The following NMNAT1 variants were observed in gnomAD, a reference collection of about 807,000 sequenced individuals.
NMNAT1 encodes nicotinamide/nicotinic acid mononucleotide adenylyltransferase 1.
A neutral mutation model predicts 16.7 loss-of-function variants in NMNAT1; 11 were observed. The observed-to-expected ratio is 0.66, with a 90% CI of 0.41 to 1.09. NMNAT1 has a LOEUF of 1.09. Ranked by LOEUF, NMNAT1 falls within the 50% of genes least tolerant of loss-of-function variation. NMNAT1 has a pLI of 0.00. For missense variants in NMNAT1, 280 were observed against 332.3 expected, an observed-to-expected ratio of 0.84 and a Z score of 1.22; for synonymous variants, 110 against 119.8, an observed-to-expected ratio of 0.92 and a Z score of 0.53.
chr1:9,958,591 C>T lies in NMNAT1; in HGVS notation c.-56-13427C>T, dbSNP rs1319179197. Among the ~76,000 whole-genome samples the T allele has an allele frequency of 7.4e-4, 112 of 152,072 alleles. 1 individual carries two copies. The highest frequency in any genetic ancestry group is 1.0e-4 in the Non-Finnish European group (7 of 67,970). ...AGTATCTGGGACTACAGAAGCACAC[C>T]ACCATGCCCGACTAATTTTTGTATT... is the stretch of plus-strand genomic sequence containing the variant. On this transcript the variant is annotated intron_variant, in intron 1 of 4. Transcript: ENST00000377205.
chr1:9,962,689 T>G (rs1037556054), intron 1 of NMNAT1, among the ~76,000 whole-genome samples: 3 of 133,276 alleles, frequency 2.3e-5, no homozygotes, highest in Admixed American at 7.6e-5. Context: ...TTTTTTTTTT[T>G]TTTTTTTTTT....
At chr1:9,962,686 T>TG (rs1402148944) in intron 1 of NMNAT1, among the ~76,000 whole-genome samples, 3 of 130,718 alleles carry the variant, frequency 2.3e-5, no homozygotes, top group Non-Finnish European at 4.9e-5. Context: ...GGTTTTTTTT[T>TG]TTTTTTTTTT....
In NMNAT1 at chr1:9,962,185, C is replaced by A. The variant is rs182421771; in HGVS notation, c.-56-9833C>A. ...CTGTCATCAGTAACATCACTTTCCT[C>A]AAAAATAACAGCTGCCGCCGGGCGC... On this transcript the variant is annotated intron_variant, in intron 1 of 4. Coordinates refer to ENST00000377205, the MANE Select transcript of NMNAT1 (RefSeq NM_022787.4). 4.3e-4 allele frequency among the ~76,000 whole-genome samples: 65 copies of A among 152,014 alleles called. 3 individuals carry two copies. The highest frequency in any genetic ancestry group is 1.5e-3 in the African/African-American group (62 of 41,488).
chr1:9,982,718 T>C lies in NMNAT1; in HGVS notation c.*17T>C. 6.4e-7 allele frequency: 1 copy of C among 1,564,804 alleles called. No homozygotes were observed. Among genetic ancestry groups the C allele is most frequent in the Non-Finnish European group, 8.7e-7 (1 of 1,155,950 alleles). ...AAGACATAGGAATTCTACAGCATGA[T>C]ATTTCAGACTTCCCATTTGGGGATC... On this transcript the variant is annotated 3_prime_UTR_variant, in exon 5 of 5. Coordinates refer to ENST00000377205, the MANE Select transcript of NMNAT1 (RefSeq NM_022787.4).
At chr1:9,977,373 G>T (rs1641838162) in intron 3 of NMNAT1, among the ~76,000 whole-genome samples, 1 of 151,992 alleles carries the variant, frequency 6.6e-6, no homozygotes, top group African/African-American at 2.4e-5. Flanking sequence ...TTACAAATGT[G>T]AGCTACCATG....
At chr1:9,953,734 C>T (rs1438245293) in intron 1 of NMNAT1, among the ~76,000 whole-genome samples, 2 of 151,522 alleles carry the variant, frequency 1.3e-5, no homozygotes, top group Non-Finnish European at 2.9e-5. Flanking sequence ...AGCCACCACA[C>T]CCGGCCCTAT....
Position 9,970,899 on chromosome 1 carries a change from A to T in NMNAT1, c.-56-1119A>T, listed in dbSNP as rs113553691. On this transcript the variant is annotated intron_variant, in intron 1 of 4. Coordinates refer to ENST00000377205, the MANE Select transcript of NMNAT1 (RefSeq NM_022787.4). ...TGGTAGATGATAATATTGTTGTATT[A>T]ATTAACTGTGGCCACAATAGTGCAA... Among the ~76,000 whole-genome samples the T allele has an allele frequency of 3.9e-3, 596 of 152,266 alleles. 3 individuals are homozygous for T. Among genetic ancestry groups the T allele is most frequent in the African/African-American group, 0.014 (572 of 41,560 alleles).
At chr1:9,955,013 G>C (rs553949038) in intron 1 of NMNAT1, among the ~76,000 whole-genome samples, 1 of 152,094 alleles carries the variant, frequency 6.6e-6, no homozygotes, top group African/African-American at 2.4e-5. Context: ...GGCCAGGCAC[G>C]CTGGCTCACG....
chr1:9,974,536 C>T (rs1204755140), intron 2 of NMNAT1, among the ~76,000 whole-genome samples: 1 of 151,864 alleles, frequency 6.6e-6, no homozygotes, highest in African/African-American at 2.4e-5. Context: ...TTACAGGTGC[C>T]CGCCACCATG....
chr1:9,944,373 C>G (rs1325240801), intron 1 of NMNAT1, among the ~76,000 whole-genome samples: 2 of 152,036 alleles, frequency 1.3e-5, no homozygotes, highest in South Asian at 4.1e-4. Flanking sequence ...CATAGCAAGA[C>G]CCTCATAACA....
intron 1 of NMNAT1, among the ~76,000 whole-genome samples, chr1:9,958,347 C>G (rs1288092587): frequency 1.3e-5 from 2 of 151,996 alleles, no homozygotes; most frequent in Non-Finnish European, 1.5e-5. Flanking sequence ...AAAATTCTAT[C>G]TAATAATACT....
chr1:9,963,057 A>G (rs917203499), intron 1 of NMNAT1, among the ~76,000 whole-genome samples: 2 of 151,652 alleles, frequency 1.3e-5, no homozygotes, highest in African/African-American at 4.8e-5. Context: ...GAAACCTTCA[A>G]AGGTTCCCAT....
chr1:9,972,121 A>C lies in NMNAT1; in HGVS notation c.48A>C (p.Ser16=), dbSNP rs776524075. ...AAGTGGTTCTCCTTGCTTGTGGTTC[A>C]TTCAATCCCATCACCAACATGCACC... The part of the protein sequence containing the change: ...KTEVVLLACG[S]FNPITNMHLR... The change falls in exon 2 of 5, where the codon TCA becomes TCC. Residue 16 remains serine (S), a synonymous_variant. Transcript: ENST00000377205. 13 of 1,613,146 alleles carry C rather than the reference A, an allele frequency of 8.1e-6. No individual in the cohort carries two copies. In the East Asian group the frequency reaches 2.9e-4, roughly 36 times the overall value.
intron 2 of NMNAT1, among the ~76,000 whole-genome samples, chr1:9,973,793 A>T (rs1341615193): frequency 1.3e-5 from 2 of 151,350 alleles, no homozygotes; most frequent in Non-Finnish European, 1.5e-5. Flanking sequence ...GAGAGGCAGA[A>T]GGGGCAGATT....
intron 1 of NMNAT1, among the ~76,000 whole-genome samples, chr1:9,953,626 A>C (rs1177023355): frequency 6.6e-6 from 1 of 151,414 alleles, no homozygotes; most frequent in African/African-American, 2.4e-5. Flanking sequence ...TTTTTAGTAG[A>C]GACAGAGTTT....
chr1:9,982,539 C>A lies in NMNAT1; in HGVS notation c.678C>A (p.Ile226=). The stretch of plus-strand genomic sequence containing the variant: ...CTAATGACATCTCATCCACAAAAAT[C>A]CGGAGAGCCCTCAGAAGGGGCCAGA... ...WIANDISSTK[I]RRALRRGQSI... The change falls in exon 5 of 5, where the codon ATC becomes ATA. Residue 226 remains isoleucine, a synonymous_variant. Coordinates refer to ENST00000377205, the MANE Select transcript of NMNAT1 (RefSeq NM_022787.4). The A allele has an allele frequency of 6.2e-7, 1 of 1,614,158 alleles. No homozygotes were observed. Among genetic ancestry groups the A allele is most frequent in the South Asian group, 1.1e-5 (1 of 91,084 alleles).
chr1:9,952,131 T>C (rs1225718431), intron 1 of NMNAT1, among the ~76,000 whole-genome samples: 1 of 151,548 alleles, frequency 6.6e-6, no homozygotes, highest in African/African-American at 2.4e-5. Flanking sequence ...ACCCCATCTC[T>C]ACTAAAAAAA....
At chr1:9,957,070 C>T (rs1000858776) in intron 1 of NMNAT1, among the ~76,000 whole-genome samples, 5 of 152,022 alleles carry the variant, frequency 3.3e-5, no homozygotes, top group African/African-American at 9.7e-5. Flanking sequence ...GCTCTTGTCA[C>T]CCAGGCTGGA....
At chr1:9,996,856 G>T in the NMNAT1 span, among the ~76,000 whole-genome samples, 1 of 152,134 alleles carries the variant, frequency 6.6e-6, no homozygotes, top group South Asian at 2.1e-4. Flanking sequence ...AGGACTCCTT[G>T]TTAAGAAAAA....
Sources: allele counts gnomAD v4.1 joint callset (sites outside exome capture counted in the v4.1 genomes callset), GRCh38; gene constraint gnomAD v4.1.1; transcripts MANE v1.5; gene names NCBI Gene and HGNC (gene_info 2026-07-23, HGNC 2026-07-21).